IL37: variants seen among roughly 807,000 people sequenced by gnomAD.
The protein encoded by IL37 is interleukin 37, also known as interleukin-37.
IL37 carries 15 observed loss-of-function variants against 15.4 expected under a neutral mutation model. That is an observed-to-expected ratio of 0.98 (90% confidence interval 0.65 to 1.50). IL37 has a LOEUF of 1.50. IL37 is among the 40% of genes most tolerant of loss of function. The pLI is 0.00. For missense variants in IL37, 269 were observed against 261.7 expected (o/e 1.03, Z -0.19); for synonymous variants, 98 against 97.4 (o/e 1.01, Z -0.03).
rs1490526835 is a variant in IL37, at chr2:112,917,293, G to A, written c.265+45G>A. On this transcript the variant is annotated intron_variant, in intron 4 of 5. Transcript: ENST00000263326. ...GTGTTTTCTGCCTCCACCTAGCAGG[G>A]GTAAGGCCTCCTGCTAGGTGGGCTC... is the stretch of plus-strand genomic sequence containing the variant. 3.7e-6 allele frequency: 6 copies of A among 1,603,144 alleles called. No individual in the cohort carries two copies. In the South Asian group the frequency reaches 6.7e-5, roughly 18 times the overall value.
At chr2:112,913,264 G>A (rs1196196708) in intron 2 of IL37, among the ~76,000 whole-genome samples, 170 bp downstream of exon 2, 1 of 152,218 alleles carries the variant, frequency 6.6e-6, no homozygotes, top group Non-Finnish European at 1.5e-5. Context: ...AAGGGAAAAG[G>A]AAGCTTTGCT....
chr2:112,917,313 G>T (rs1573315198), intron 4 of IL37, 65 bp downstream of exon 4: 5 of 1,572,596 alleles, frequency 3.2e-6, no homozygotes, highest in South Asian at 1.2e-5. Context: ...CCTGCTAGGT[G>T]GGCTCAACTC....
intron 3 of IL37, among the ~76,000 whole-genome samples, chr2:112,914,176 G>A (rs1683247926): frequency 6.6e-6 from 1 of 152,202 alleles, no homozygotes; most frequent in South Asian, 2.1e-4. Flanking sequence ...CAGCACTGAG[G>A]ACAAACAGCC....
Position 112,918,798 on chromosome 2 carries a change from G to T in IL37, c.646G>T (p.Val216Phe). 1 of 1,612,440 alleles carries T rather than the reference G, an allele frequency of 6.2e-7. No individual in the cohort carries two copies. Among genetic ancestry groups the T allele is most frequent in the African/African-American group, 1.3e-5 (1 of 75,016 alleles). Residue 216 changes from valine to phenylalanine, a missense_variant, in exon 6 of 6, where the codon GTC (valine) becomes TTC (phenylalanine). Coordinates refer to ENST00000263326, the MANE Select transcript of IL37 (RefSeq NM_014439.4). ...VCKAEMSPSE[V>F]SD The stretch of plus-strand genomic sequence containing the variant: ...CAAAGCTGAAATGAGCCCCAGTGAG[G>T]TCAGCGATTAGGAAACTGCCCCATT...
At chr2:112,913,215 A>G in intron 2 of IL37, 121 bp downstream of exon 2, 2 of 576,462 alleles carry the variant, frequency 3.5e-6, no homozygotes, top group Non-Finnish European at 5.8e-6. Context: ...TGAGCTTTCA[A>G]ATTTCCCTGG....
chr2:112,918,680 C>A lies in IL37; in HGVS notation c.528C>A (p.Phe176Leu). The A allele has an allele frequency of 6.2e-7, 1 of 1,614,140 alleles. No individual in the cohort carries two copies. Among genetic ancestry groups the A allele is most frequent in the Non-Finnish European group, 8.5e-7 (1 of 1,180,028 alleles). The change falls in exon 6 of 6, where the codon TTC (phenylalanine) becomes TTA (leucine). Residue 176 changes from phenylalanine to leucine, a missense_variant. By Grantham distance (22) the Phe-to-Leu change is conservative. Transcript: ENST00000263326. ...MLESAAHPGW[F>L]ICTSCNCNEP... ...AGTCGGCGGCTCACCCCGGATGGTT[C>A]ATCTGCACCTCCTGCAATTGTAATG...
Position 112,912,987 on chromosome 2 carries a change from G to A in IL37, c.-26G>A. 1 of 1,539,608 alleles carries A rather than the reference G, an allele frequency of 6.5e-7. No homozygotes were observed. The stretch of plus-strand genomic sequence containing the variant: ...GGTCTTGGACTTCATTCCATTTTCT[G>A]TTGAGTAATAAACTCAACGTTGAAA... On this transcript the variant is annotated 5_prime_UTR_variant, in exon 2 of 6. Coordinates refer to ENST00000263326, the MANE Select transcript of IL37 (RefSeq NM_014439.4).
chr2:112,913,895 G>T, intron 3 of IL37, 41 bp downstream of exon 3: 1 of 1,527,968 alleles, frequency 6.5e-7, no homozygotes, highest in Non-Finnish European at 9.1e-7. Flanking sequence ...GCTGAGGTGC[G>T]AGGGTGGGGA....
In IL37 at chr2:112,917,157, GA is replaced by G. The variant is rs1200506078; in HGVS notation, c.177del (p.Lys59AsnfsTer20). On this transcript the variant is annotated frameshift_variant, in exon 4 of 6. Transcript: ENST00000263326. LOFTEE classifies it high-confidence loss of function. ...SPKVKNLNPK[K>X]FSIHDQDHKV... The stretch of plus-strand genomic sequence containing the variant: ...CAAAGGTGAAGAACTTAAACCCGAA[GA>G]AATTCAGCATTCATGACCAGGATCA... 2 of 1,613,996 alleles carry G rather than the reference GA, an allele frequency of 1.2e-6. No homozygotes were observed. The highest frequency in any genetic ancestry group is 2.7e-5 in the African/African-American group (2 of 74,938).
At position 112,918,728 on chromosome 2, in the gene IL37, A is replaced by G. The variant is rs1364544781; in HGVS notation, c.576A>G (p.Lys192=). The change falls in exon 6 of 6, where the codon AAA becomes AAG. Residue 192 remains lysine (K), a synonymous_variant. Coordinates refer to ENST00000263326, the MANE Select transcript of IL37 (RefSeq NM_014439.4). ...ATGAGCCTGTTGGGGTGACAGATAA[A>G]TTTGAGAACAGGAAACACATTGAAT... The part of the protein sequence containing the change: ...NCNEPVGVTD[K]FENRKHIEFS... The G allele has an allele frequency of 1.9e-6, 3 of 1,614,170 alleles. No individual in the cohort carries two copies. Among genetic ancestry groups the G allele is most frequent in the Non-Finnish European group, 2.5e-6 (3 of 1,180,028 alleles).
chr2:112,913,051 C>T lies in IL37; in HGVS notation c.39C>T (p.Gly13=), dbSNP rs1683211623. The T allele has an allele frequency of 3.8e-6, 6 of 1,573,962 alleles. No individual in the cohort carries two copies. The highest frequency in any genetic ancestry group is 5.1e-6 in the Non-Finnish European group (6 of 1,165,220). Residue 13 remains glycine (G), a synonymous_variant, in exon 2 of 6, where the codon GGC becomes GGT. Coordinates refer to ENST00000263326, the MANE Select transcript of IL37 (RefSeq NM_014439.4). Reference sequence around the variant, plus strand: ...GGGAGAACTCAGGAGTGAAAATGGGCTCTGAGGACTGGGAAAAAGATGAAC... The same window carrying T: ...GGGAGAACTCAGGAGTGAAAATGGGTTCTGAGGACTGGGAAAAAGATGAAC... The part of the protein sequence containing the change: ...FVGENSGVKM[G]SEDWEKDEPQ...
rs753376027 is a variant in IL37 at position 112,918,809 on chromosome 2, G to C, written c.657G>C (p.Ter219TyrextTer14). 1 of 1,609,190 alleles carries C rather than the reference G, an allele frequency of 6.2e-7. No homozygotes were observed. The highest frequency in any genetic ancestry group is 1.7e-5 in the Admixed American group (1 of 59,838). The change falls in exon 6 of 6, where the codon TAG becomes TAC. Residue 219 changes from the stop codon to tyrosine (Y), a stop_lost. Transcript: ENST00000263326. ...AEMSPSEVSD* is the reference protein window; with the variant it reads ...AEMSPSEVSDY ...TGAGCCCCAGTGAGGTCAGCGATTA[G>C]GAAACTGCCCCATTGAACGCCTTCC...
At chr2:112,917,398 T>A (rs1200918293) in intron 4 of IL37, 150 bp downstream of exon 4, 1 of 983,300 alleles carries the variant, frequency 1.0e-6, no homozygotes, top group Admixed American at 2.3e-5. Flanking sequence ...GGGCATCAGA[T>A]GAAGGGTCTC....
rs147739580 is a variant in IL37 at position 112,912,365 on chromosome 2, G to T, written c.-50-598G>T. Among the ~76,000 whole-genome samples, 3 of 152,274 alleles carry T rather than the reference G, an allele frequency of 2.0e-5. No homozygotes were observed. The East Asian group carries it at 5.8e-4, about 29-fold the overall frequency. On this transcript the variant is annotated intron_variant, in intron 1 of 5. Transcript: ENST00000263326. ...GTCAATCCTACCCTAAGATATTAGG[G>T]ATTGAGCCTCCTGGGACATTTGGTG...
chr2:112,914,609 G>A (rs1261814447), intron 3 of IL37, among the ~76,000 whole-genome samples: 1 of 152,222 alleles, frequency 6.6e-6, no homozygotes, highest in African/African-American at 2.4e-5. Context: ...GGAGGCTGCT[G>A]TCACTTCTCC....
Position 112,917,679 on chromosome 2 carries a change from G to A in IL37, c.310G>A (p.Glu104Lys), listed in dbSNP as rs1683348727. The change falls in exon 5 of 6, where the codon GAG (glutamate) becomes AAG (lysine). Residue 104 changes from glutamate to lysine, a missense_variant. Glu to Lys is a moderately conservative substitution (Grantham distance 56). Transcript: ENST00000263326. ...LASSLSSASA[E>K]KGSPILLGVS... Reference sequence around the variant, plus strand: ...CTCATCCTTGAGCTCAGCCTCTGCGGAGAAAGGAAGTCCGATTCTCCTGGG... The same window carrying A: ...CTCATCCTTGAGCTCAGCCTCTGCGAAGAAAGGAAGTCCGATTCTCCTGGG... 1 of 1,610,518 alleles carries A rather than the reference G, an allele frequency of 6.2e-7. No homozygotes were observed. The highest frequency in any genetic ancestry group is 8.5e-7 in the Non-Finnish European group (1 of 1,178,652).
At chr2:112,918,449 C>T in intron 5 of IL37, 112 bp from the exon 6 acceptor site, 1 of 1,236,136 alleles carries the variant, frequency 8.1e-7, no homozygotes, top group Non-Finnish European at 1.1e-6. Flanking sequence ...GGACCATCTG[C>T]CTTCTCTCTT....
chr2:112,917,995 GC>G (rs1307423274), intron 5 of IL37, among the ~76,000 whole-genome samples: 3 of 152,164 alleles, frequency 2.0e-5, no homozygotes, highest in South Asian at 2.1e-4. Context: ...CGGGGAGACA[GC>G]AAGGAGCTGA....
chr2:112,912,980 AT>A lies in IL37; in HGVS notation c.-29del. The A allele has an allele frequency of 6.6e-7, 1 of 1,518,966 alleles. No individual in the cohort carries two copies. Among genetic ancestry groups the A allele is most frequent in the Admixed American group, 2.0e-5 (1 of 49,408 alleles). The allele number at this position is 1,518,966 out of a possible 1,614,324, so 94.1% of individuals were successfully genotyped here. A position where few individuals can be genotyped will look rare whatever the true frequency, so the allele number is the denominator to read the frequency against. On this transcript the variant is annotated 5_prime_UTR_variant, in exon 2 of 6. Coordinates refer to ENST00000263326, the MANE Select transcript of IL37 (RefSeq NM_014439.4). ...CTCCTTAGGTCTTGGACTTCATTCC[AT>A]TTTCTGTTGAGTAATAAACTCAACG...
Sources: gnomAD v4.1 joint callset for allele counts (sites outside exome capture counted in the v4.1 genomes callset) on GRCh38, gnomAD v4.1.1 for gene constraint, MANE v1.5 for transcripts, NCBI Gene and HGNC (gene_info 2026-07-23, HGNC 2026-07-21) for gene names.